CHRM3: variants seen among roughly 807,000 people sequenced by gnomAD.
The protein encoded by CHRM3 is muscarinic acetylcholine receptor M3.
CHRM3 carries 11 observed loss-of-function variants against 41.8 expected under a neutral mutation model. That is an observed-to-expected ratio of 0.26 (90% confidence interval 0.17 to 0.44). The LOEUF is 0.44. CHRM3 is among the 20% of genes least tolerant of loss of function. The pLI, the probability that CHRM3 is intolerant of heterozygous loss-of-function variation, is 1.00. For missense variants in CHRM3, 571 were observed against 745.4 expected (o/e 0.77, Z 2.72); for synonymous variants, 297 against 301.4 (o/e 0.99, Z 0.15).
chr1:239,860,622 G>A (rs1016972393), intron 6 of CHRM3, among the ~76,000 whole-genome samples: 5 of 152,170 alleles, frequency 3.3e-5, no homozygotes. Context: ...CACATAGCCT[G>A]AATGTAATTT....
intron 5 of CHRM3, among the ~76,000 whole-genome samples, chr1:239,785,910 A>C (rs889507618): frequency 6.6e-6 from 1 of 152,192 alleles, no homozygotes; most frequent in Non-Finnish European, 1.5e-5. Context: ...TTTATGTAAA[A>C]TTTTATATGT....
At chr1:239,880,173 C>G (rs148600060) in intron 6 of CHRM3, among the ~76,000 whole-genome samples, 10 of 152,318 alleles carry the variant, frequency 6.6e-5, no homozygotes, top group Non-Finnish European at 1.2e-4. Flanking sequence ...AGTGTGGGAA[C>G]TGGTGATCTG....
chr1:239,542,183 GATA>G (rs1658848211), intron 2 of CHRM3, among the ~76,000 whole-genome samples: 1 of 152,112 alleles, frequency 6.6e-6, no homozygotes, highest in Non-Finnish European at 1.5e-5. Context: ...TACGCAAACA[GATA>G]ATAATACAAT....
At chr1:239,432,809 T>G (rs1662931553) in intron 1 of CHRM3, among the ~76,000 whole-genome samples, 1 of 152,244 alleles carries the variant, frequency 6.6e-6, no homozygotes, top group Admixed American at 6.5e-5. Context: ...CATATTGGCC[T>G]GTGAAATAAT....
At chr1:239,416,485 A>G (rs999045405) in intron 1 of CHRM3, among the ~76,000 whole-genome samples, 2 of 152,156 alleles carry the variant, frequency 1.3e-5, no homozygotes, top group Non-Finnish European at 2.9e-5. Context: ...ATATACTTTT[A>G]TCTTCTTTCC....
rs887567814 is a variant in CHRM3 at position 239,535,601 on chromosome 1, G to A, written c.-421-10040G>A. ...ACAGTCTTGTTAGTAAATTATTCAG[G>A]CTTTTGTGTTGCTCTTGAGTTTTGG... On this transcript the variant is annotated intron_variant, in intron 2 of 6. Transcript: ENST00000676153. Among the ~76,000 whole-genome samples the A allele has an allele frequency of 2.3e-4, 35 of 151,510 alleles. 1 individual carries two copies. The highest frequency in any genetic ancestry group is 8.0e-4 in the African/African-American group (33 of 41,226).
At chr1:239,728,630 T>G (rs1252182875) in intron 5 of CHRM3, among the ~76,000 whole-genome samples, 1 of 152,016 alleles carries the variant, frequency 6.6e-6, no homozygotes, top group Non-Finnish European at 1.5e-5. Context: ...GATCTTCTCA[T>G]GTAGCTGAAG....
At chr1:239,494,895 G>T (rs955677483) in intron 2 of CHRM3, among the ~76,000 whole-genome samples, 1 of 152,130 alleles carries the variant, frequency 6.6e-6, no homozygotes, top group South Asian at 2.1e-4. Context: ...TTTTATGGCT[G>T]CATAGTATTC....
At chr1:239,476,261 T>A (rs1477611227) in intron 1 of CHRM3, among the ~76,000 whole-genome samples, 3 of 151,426 alleles carry the variant, frequency 2.0e-5, no homozygotes, top group Non-Finnish European at 4.4e-5. Flanking sequence ...AGTTCAGGAG[T>A]TCGAAACCAG....
intron 3 of CHRM3, among the ~76,000 whole-genome samples, chr1:239,618,673 T>C (rs1037644793): frequency 6.6e-6 from 1 of 150,668 alleles, no homozygotes; most frequent in Non-Finnish European, 1.5e-5. Context: ...TGAAACCCCG[T>C]CTCTACTAAA....
At chr1:239,496,526 TG>T (rs879637673) in intron 2 of CHRM3, among the ~76,000 whole-genome samples, 2,901 of 151,546 alleles carry the variant, frequency 0.019, 68 homozygotes, top group African/African-American at 0.048. Flanking sequence ...TGTGTGTGTG[TG>T]TGTGTGTGTG....
At chr1:239,612,382 T>C (rs1359863890) in intron 3 of CHRM3, among the ~76,000 whole-genome samples, 1 of 152,222 alleles carries the variant, frequency 6.6e-6, no homozygotes, top group African/African-American at 2.4e-5. Context: ...CTCCATAAAC[T>C]AAGGATTTCA....
chr1:239,404,468 A>AGAG (rs1660403132), intron 1 of CHRM3, among the ~76,000 whole-genome samples: 4 of 90,294 alleles, frequency 4.4e-5, no homozygotes, highest in Non-Finnish European at 1.0e-4. Flanking sequence ...GAAAGAAAGA[A>AGAG]AAAGAAAGAA....
intron 3 of CHRM3, among the ~76,000 whole-genome samples, chr1:239,580,677 C>T (rs1662789125): frequency 2.6e-5 from 1 of 37,944 alleles, no homozygotes; most frequent in Non-Finnish European, 1.1e-4. Context: ...ACTCAGGCTA[C>T]TTTGCCCAAT....
At position 239,830,228 on chromosome 1, in the gene CHRM3, T is replaced by C. The variant is rs557164446; in HGVS notation, c.-20+2850T>C. On this transcript the variant is annotated intron_variant, in intron 6 of 6. Transcript: ENST00000676153. ...AAATAAAGATTAAAATATGTACTTC[T>C]TGAGGTTGCTGTTAGGACTAAAAGA... is the stretch of plus-strand genomic sequence containing the variant. Among the ~76,000 whole-genome samples, 23 of 152,342 alleles carry C rather than the reference T, an allele frequency of 1.5e-4. No individual in the cohort carries two copies. In the South Asian group the frequency reaches 3.3e-3, roughly 22 times the overall value.
intron 5 of CHRM3, among the ~76,000 whole-genome samples, chr1:239,733,828 A>G (rs2148443865): frequency 6.6e-6 from 1 of 152,250 alleles, no homozygotes; most frequent in East Asian, 1.9e-4. Context: ...ATCTGTTGTC[A>G]ATCAGACATT....
At chr1:239,757,992 A>T (rs1666382836) in intron 5 of CHRM3, among the ~76,000 whole-genome samples, 1 of 152,210 alleles carries the variant, frequency 6.6e-6, no homozygotes, top group Non-Finnish European at 1.5e-5. Context: ...ATTTCATATA[A>T]TTAAGTAATT....
chr1:239,410,233 C>A (rs1367148080), intron 1 of CHRM3, among the ~76,000 whole-genome samples: 1 of 152,096 alleles, frequency 6.6e-6, no homozygotes, highest in Non-Finnish European at 1.5e-5. Flanking sequence ...GTTCTCCAAC[C>A]ATAATTTTTC....
chr1:239,798,528 A>G (rs1047186135), intron 5 of CHRM3, among the ~76,000 whole-genome samples: 5 of 152,172 alleles, frequency 3.3e-5, no homozygotes, highest in African/African-American at 1.2e-4. Flanking sequence ...CTGAATGACC[A>G]CACAGTAGAC....
Sources: gnomAD v4.1 joint callset for allele counts (sites outside exome capture counted in the v4.1 genomes callset) on GRCh38, gnomAD v4.1.1 for gene constraint, MANE v1.5 for transcripts, NCBI Gene and HGNC (gene_info 2026-07-23, HGNC 2026-07-21) for gene names.